The following MKX variants were observed in gnomAD, a reference collection of about 807,000 sequenced individuals.
MKX encodes mohawk homeobox.
In MKX, 13 loss-of-function variants were observed where a neutral mutation model predicts 36.0. That is an observed-to-expected ratio of 0.36 (90% CI 0.24 to 0.57). The LOEUF (loss-of-function observed/expected upper bound fraction) is 0.57. Among genes scored for constraint, MKX ranks in the 20% least tolerant of loss-of-function variants. MKX has a pLI of 0.79. For missense variants in MKX, 458 were observed against 456.4 expected, an observed-to-expected ratio of 1.00 and a Z score of -0.03; for synonymous variants, 176 against 178.3, an observed-to-expected ratio of 0.99 and a Z score of 0.10.
chr10:27,711,512 T>A (rs1201548066), intron 5 of MKX, among the ~76,000 whole-genome samples: 4 of 136,242 alleles, frequency 2.9e-5, no homozygotes, highest in Non-Finnish European at 6.2e-5. Context: ...CCTTCCTTCC[T>A]TCCTTCCTTC....
In MKX at chr10:27,743,341, C is replaced by T. The variant is rs1589702792; in HGVS notation, c.75G>A (p.Arg25=). ...FEDGGASERE[R]GGRPYSGVLD... ...GGACACCGCTGTAGGGCCGGCCACC[C>T]CGCTCCCGCTCCGAGGCGCCTCCGT... The change falls in exon 2 of 7, where the codon CGG becomes CGA. Residue 25 remains arginine (R), a synonymous_variant. Coordinates refer to ENST00000419761, the MANE Select transcript of MKX (RefSeq NM_173576.3). The T allele has an allele frequency of 1.3e-6, 2 of 1,583,362 alleles. No individual in the cohort carries two copies. The highest frequency in any genetic ancestry group is 1.7e-6 in the Non-Finnish European group (2 of 1,167,634).
chr10:27,738,712 T>C (rs1170658919), intron 3 of MKX, among the ~76,000 whole-genome samples: 2 of 152,090 alleles, frequency 1.3e-5, no homozygotes, highest in African/African-American at 2.4e-5. Context: ...ATATTCATCC[T>C]ACTTTAACAA....
chr10:27,735,816 G>T (rs568174359), intron 3 of MKX, among the ~76,000 whole-genome samples: 20 of 152,262 alleles, frequency 1.3e-4, no homozygotes, highest in African/African-American at 4.8e-4. Flanking sequence ...CAGGTCAAGA[G>T]GGAAGGGAAG....
intron 5 of MKX, among the ~76,000 whole-genome samples, chr10:27,699,757 G>A (rs1053671001): frequency 6.6e-6 from 1 of 152,078 alleles, no homozygotes; most frequent in Non-Finnish European, 1.5e-5. Flanking sequence ...CATGTGTGAC[G>A]GTCATTTGTC....
intron 5 of MKX, among the ~76,000 whole-genome samples, chr10:27,723,053 A>G (rs539530497): frequency 2.6e-4 from 40 of 152,312 alleles, no homozygotes; most frequent in Non-Finnish European, 4.4e-4. Context: ...TACTGCTTCA[A>G]TCATAGTAAC....
chr10:27,722,761 T>G (rs1834407458), intron 5 of MKX, among the ~76,000 whole-genome samples: 6 of 152,170 alleles, frequency 3.9e-5, no homozygotes, highest in Admixed American at 3.3e-4. Flanking sequence ...AATATACATT[T>G]GATGTGTATT....
chr10:27,744,767 A>ACACTCGCCAACGCCCCCG lies in MKX; in HGVS notation c.-83+922_-83+939dup, dbSNP rs1224121766. 1 of 153,324 alleles carries ACACTCGCCAACGCCCCCG rather than the reference A, an allele frequency of 6.5e-6. No homozygotes were observed. Among genetic ancestry groups the ACACTCGCCAACGCCCCCG allele is most frequent in the East Asian group, 1.9e-4 (1 of 5,190 alleles). The allele number at this position is 153,324 out of a possible 1,614,324, so 9.5% of individuals were successfully genotyped here. A position where few individuals can be genotyped will look rare whatever the true frequency, so the allele number is the denominator to read the frequency against. ...ACACCCTTTGCCTCGCCAAGCGCCC[A>ACACTCGCCAACGCCCCCG]CACTCGCCAACGCCCCCGCCCCGCC... On this transcript the variant is annotated intron_variant, in intron 1 of 6. Transcript: ENST00000419761. The surrounding 1 kb of genome is among the most constrained non-coding windows in gnomAD (Gnocchi z 5.6).
intron 5 of MKX, among the ~76,000 whole-genome samples, chr10:27,702,119 G>A (rs777891312): frequency 1.3e-5 from 2 of 152,066 alleles, no homozygotes; most frequent in African/African-American, 2.4e-5. Context: ...ACTGAATCCA[G>A]GAAAATGAGG....
rs766776779 is a variant in MKX, at chr10:27,734,074, T to C, written c.838+382A>G. ...GGCACTATCCTCTATTATAAATTAT[T>C]CATAAAAGCCAGTATACACCCCCCT... On this transcript the variant is annotated intron_variant, in intron 5 of 6. Transcript: ENST00000419761. 6.8e-4 allele frequency among the ~76,000 whole-genome samples: 104 copies of C among 152,160 alleles called. 1 individual carries two copies. Among genetic ancestry groups the C allele is most frequent in the South Asian group, 3.5e-3 (17 of 4,818 alleles).
At chr10:27,705,903 C>T (rs1338306974) in intron 5 of MKX, among the ~76,000 whole-genome samples, 1 of 152,108 alleles carries the variant, frequency 6.6e-6, no homozygotes, top group Non-Finnish European at 1.5e-5. Flanking sequence ...ATCATTTTAA[C>T]CATTTTTAAC....
chr10:27,711,564 TTTTC>T (rs1409890514), intron 5 of MKX, among the ~76,000 whole-genome samples: 1 of 149,140 alleles, frequency 6.7e-6, no homozygotes, highest in African/African-American at 2.5e-5. Flanking sequence ...TTTTGTTCTC[TTTTC>T]TTTCTTTCTT....
intron 5 of MKX, among the ~76,000 whole-genome samples, chr10:27,694,329 C>G (rs977665933): frequency 2.6e-5 from 4 of 151,902 alleles, no homozygotes; most frequent in African/African-American, 9.7e-5. Flanking sequence ...ATCCATTTAT[C>G]TATACTTTTT....
intron 5 of MKX, among the ~76,000 whole-genome samples, chr10:27,716,404 C>T (rs1836964219): frequency 8.3e-6 from 1 of 120,280 alleles, no homozygotes; most frequent in South Asian, 2.7e-4. Flanking sequence ...GCCTGGGTGA[C>T]AGAGTCAGAC....
Position 27,675,572 on chromosome 10 carries a change from A to C in MKX, c.839-18T>G, listed in dbSNP as rs144690609. ...CAGAGTGTCTGTAAAGAAAAGCAAAAATTCAATTATTTTTATGTTTTTCCT... is the reference window on the plus strand; with the variant it reads ...CAGAGTGTCTGTAAAGAAAAGCAAACATTCAATTATTTTTATGTTTTTCCT... On this transcript the variant is annotated intron_variant, in intron 5 of 6. Coordinates refer to ENST00000419761, the MANE Select transcript of MKX (RefSeq NM_173576.3). 6.6e-5 allele frequency: 107 copies of C among 1,611,198 alleles called. 1 individual carries two copies. The East Asian group carries it at 1.7e-3, about 26-fold the overall frequency.
intron 5 of MKX, among the ~76,000 whole-genome samples, chr10:27,681,581 AT>A (rs772259779): frequency 3.1e-4 from 47 of 152,154 alleles, no homozygotes; most frequent in Non-Finnish European, 5.4e-4. Flanking sequence ...TGTTTACTAT[AT>A]TTTTTATTGT....
At chr10:27,711,455 CTTTCTTTCTTTCTTTCTTTCTTTCTT>C (rs746104777) in intron 5 of MKX, among the ~76,000 whole-genome samples, 403 of 14,352 alleles carry the variant, frequency 0.028, 11 homozygotes, top group East Asian at 0.12. Flanking sequence ...TTCTTTCTTT[CTTTCTTTCTTTCTTTCTTTCTTTCTT>C]TCTCTCTCTC....
At chr10:27,692,638 T>C (rs967297881) in intron 5 of MKX, among the ~76,000 whole-genome samples, 2 of 152,234 alleles carry the variant, frequency 1.3e-5, no homozygotes, top group African/African-American at 4.8e-5. Flanking sequence ...CCACATGGAA[T>C]CATCAGAAAC....
At chr10:27,732,926 A>T (rs763881063) in intron 5 of MKX, among the ~76,000 whole-genome samples, 1 of 151,692 alleles carries the variant, frequency 6.6e-6, no homozygotes, top group Non-Finnish European at 1.5e-5. Flanking sequence ...TAAAAAAAAA[A>T]TTTGTAGCAA....
chr10:27,730,978 C>CA (rs1266188661), intron 5 of MKX, among the ~76,000 whole-genome samples: 5 of 151,178 alleles, frequency 3.3e-5, no homozygotes, highest in Non-Finnish European at 5.9e-5. Context: ...ACTAAAAATA[C>CA]AAAAAATTAG....
Sources: gnomAD v4.1 joint callset for allele counts (sites outside exome capture counted in the v4.1 genomes callset) on GRCh38, gnomAD v4.1.1 for gene constraint, Gnocchi (gnomAD v3.1) non-coding constraint, MANE v1.5 for transcripts, NCBI Gene and HGNC (gene_info 2026-07-23, HGNC 2026-07-21) for gene names.